ADAM23: variants seen among roughly 807,000 people sequenced by gnomAD.
ADAM23 encodes disintegrin and metalloproteinase domain-containing protein 23.
ADAM23 carries 33 observed loss-of-function variants against 120.1 expected under a neutral mutation model. The ratio of observed to expected loss-of-function variants is 0.27; its 90% CI spans 0.21 to 0.37. The LOEUF (loss-of-function observed/expected upper bound fraction) is 0.37, where lower values mean the gene tolerates loss of function less well. Among genes scored for constraint, ADAM23 ranks in the 10% least tolerant of loss-of-function variants. The pLI is 1.00. For synonymous variants in ADAM23, 367 were observed against 375.2 expected (o/e 0.98, Z 0.25); for missense variants, 862 against 1,058.2 (o/e 0.81, Z 2.57).
intron 9 of ADAM23, among the ~76,000 whole-genome samples, chr2:206,552,976 C>G (rs1293532691): frequency 6.6e-6 from 1 of 151,954 alleles, no homozygotes; most frequent in Non-Finnish European, 1.5e-5. Flanking sequence ...CCTATTATTA[C>G]TATTATTAAA....
At chr2:206,587,957 C>G in intron 19 of ADAM23, 134 bp from the exon 20 acceptor site, 1 of 815,010 alleles carries the variant, frequency 1.2e-6, no homozygotes, top group Admixed American at 2.3e-5. Flanking sequence ...GTGATCCTTA[C>G]TGGTCACTAT....
intron 24 of ADAM23, chr2:206,605,704 C>T (rs1310065015): frequency 1.5e-6 from 1 of 682,880 alleles, no homozygotes; most frequent in Non-Finnish European, 2.6e-6. Context: ...ACTTTCAAAG[C>T]ATGTCCTGAA....
chr2:206,595,967 C>CT, intron 23 of ADAM23, 84 bp from the exon 24 acceptor site: 2 of 1,063,982 alleles, frequency 1.9e-6, no homozygotes, highest in Admixed American at 5.0e-5. Context: ...AGCTTCCTCC[C>CT]TGCCCCCGTG....
At chr2:206,479,109 G>A (rs1432364869) in intron 2 of ADAM23, among the ~76,000 whole-genome samples, 1 of 152,220 alleles carries the variant, frequency 6.6e-6, no homozygotes, top group Non-Finnish European at 1.5e-5. Context: ...GGAAAACCCA[G>A]TATGATTTAC....
chr2:206,459,666 A>G (rs1042205625), intron 2 of ADAM23, among the ~76,000 whole-genome samples: 2 of 152,138 alleles, frequency 1.3e-5, no homozygotes, highest in African/African-American at 4.8e-5. Context: ...CTATATCTCC[A>G]CTTGGATGTC....
chr2:206,574,099 C>T (rs942185618), intron 18 of ADAM23, among the ~76,000 whole-genome samples: 5 of 152,142 alleles, frequency 3.3e-5, no homozygotes, highest in Non-Finnish European at 7.4e-5. Flanking sequence ...CACTGGCTCT[C>T]GTTCTTCACA....
rs1028695377 is a variant in ADAM23, at chr2:206,565,825, C to G, written c.1394+757C>G. Among the ~76,000 whole-genome samples the G allele has an allele frequency of 5.3e-5, 8 of 152,312 alleles. No homozygotes were observed. The East Asian group carries it at 1.5e-3, about 29-fold the overall frequency. On this transcript the variant is annotated intron_variant, in intron 14 of 25. Transcript: ENST00000264377. Reference sequence around the variant, plus strand: ...ACACACCAACCATTTCTGGTCCTACCTCCGTCCCTCTGGTTGCCAGAGGCC... The same window carrying G: ...ACACACCAACCATTTCTGGTCCTACGTCCGTCCCTCTGGTTGCCAGAGGCC...
chr2:206,526,161 CACACACACACACACACACAG>C (rs1220401022), intron 3 of ADAM23, among the ~76,000 whole-genome samples: 3 of 151,026 alleles, frequency 2.0e-5, no homozygotes, highest in Non-Finnish European at 4.4e-5. Context: ...CACACACACA[CACACACACACACACACACAG>C]ACACACACAG....
intron 3 of ADAM23, among the ~76,000 whole-genome samples, chr2:206,483,513 TA>T (rs1323779766): frequency 1.3e-5 from 2 of 151,364 alleles, no homozygotes; most frequent in Non-Finnish European, 2.9e-5. Context: ...GGAGGGTAGG[TA>T]GAGTAAGGAG....
At chr2:206,550,791 C>T (rs1461871635) in intron 9 of ADAM23, among the ~76,000 whole-genome samples, 1 of 152,018 alleles carries the variant, frequency 6.6e-6, no homozygotes, top group African/African-American at 2.4e-5. Context: ...TTAGTAGAGA[C>T]GGGGTTTCAC....
chr2:206,502,406 A>C (rs1696406359), intron 3 of ADAM23, among the ~76,000 whole-genome samples: 1 of 152,126 alleles, frequency 6.6e-6, no homozygotes, highest in African/African-American at 2.4e-5. Flanking sequence ...TGTAATTATG[A>C]CATTCAGCTT....
At chr2:206,552,310 T>A (rs1334769806) in intron 9 of ADAM23, among the ~76,000 whole-genome samples, 14 of 152,224 alleles carry the variant, frequency 9.2e-5, no homozygotes, top group Admixed American at 9.2e-4. Flanking sequence ...CCATAATATA[T>A]CAGGAAAGTA....
At chr2:206,525,524 C>A (rs1696925816) in intron 3 of ADAM23, among the ~76,000 whole-genome samples, 1 of 152,146 alleles carries the variant, frequency 6.6e-6, no homozygotes, top group African/African-American at 2.4e-5. Flanking sequence ...TTTCTTTGAT[C>A]AGCCTGCCCT....
At chr2:206,573,237 A>T (rs776233915) in intron 18 of ADAM23, 42 bp downstream of exon 18, 1 of 1,574,016 alleles carries the variant, frequency 6.4e-7, no homozygotes, top group South Asian at 1.1e-5. Flanking sequence ...TTACTTGTAC[A>T]GGTTGAGTAT....
At chr2:206,513,627 ATAAT>A (rs928332410) in intron 3 of ADAM23, among the ~76,000 whole-genome samples, 3 of 152,258 alleles carry the variant, frequency 2.0e-5, no homozygotes, top group Admixed American at 2.0e-4. Context: ...TCTAGCTAAG[ATAAT>A]TAATAAAAGT....
intron 2 of ADAM23, among the ~76,000 whole-genome samples, chr2:206,451,743 A>T (rs1271311461): frequency 6.6e-6 from 1 of 152,174 alleles, no homozygotes; most frequent in Non-Finnish European, 1.5e-5. Context: ...GGTAGGGTGT[A>T]TTGGGAGTGG....
chr2:206,483,870 G>A (rs1232904749), intron 3 of ADAM23, among the ~76,000 whole-genome samples: 3 of 152,064 alleles, frequency 2.0e-5, no homozygotes, highest in Non-Finnish European at 2.9e-5. Context: ...GAGATGATGT[G>A]GAGGCAGCAA....
intron 2 of ADAM23, among the ~76,000 whole-genome samples, chr2:206,458,591 A>G (rs576562333): frequency 6.6e-6 from 1 of 152,362 alleles, no homozygotes; most frequent in East Asian, 1.9e-4. Context: ...GCCTATAATC[A>G]GGGCACTCTA....
At chr2:206,580,793 T>A (rs572471726) in intron 18 of ADAM23, among the ~76,000 whole-genome samples, 1 of 152,276 alleles carries the variant, frequency 6.6e-6, no homozygotes, top group African/African-American at 2.4e-5. Context: ...TAAGGATTGG[T>A]ACCAATTCTT....
Sources: allele counts gnomAD v4.1 joint callset (sites outside exome capture counted in the v4.1 genomes callset), GRCh38; gene constraint gnomAD v4.1.1; transcripts MANE v1.5; gene names NCBI Gene and HGNC (gene_info 2026-07-23, HGNC 2026-07-21).